OR10J1: variants seen among roughly 807,000 people sequenced by gnomAD.
OR10J1 encodes the protein olfactory receptor 10J1.
For missense variants in OR10J1, 474 were observed against 376.6 expected, an observed-to-expected ratio of 1.26 and a Z score of -2.14; for synonymous variants, 202 against 143.8, an observed-to-expected ratio of 1.40 and a Z score of -2.89.
chr1:159,409,022 C>T, the OR10J1 span, among the ~76,000 whole-genome samples: 4 of 152,018 alleles, frequency 2.6e-5, no homozygotes, highest in African/African-American at 7.2e-5. Flanking sequence ...TTCCAAAACA[C>T]AAATGATGAA....
At chr1:159,405,602 T>C in the OR10J1 span, 1 of 405,920 alleles carries the variant, frequency 2.5e-6, no homozygotes, top group South Asian at 2.4e-5. Flanking sequence ...TTCAGGTAGA[T>C]GATGGAAATA....
chr1:159,412,021 C>A, the OR10J1 span, among the ~76,000 whole-genome samples: 1 of 152,084 alleles, frequency 6.6e-6, no homozygotes, highest in Non-Finnish European at 1.5e-5. Flanking sequence ...ACAAAAATCA[C>A]AAGCATTCTT....
chr1:159,436,349 T>C (rs1031729585), upstream of OR10J1, among the ~76,000 whole-genome samples: 4 of 152,192 alleles, frequency 2.6e-5, no homozygotes, highest in Non-Finnish European at 1.5e-5. Context: ...GAGCAGTTTA[T>C]GAAATTATTG....
the OR10J1 span, among the ~76,000 whole-genome samples, chr1:159,416,071 GA>G: frequency 6.6e-6 from 1 of 152,066 alleles, no homozygotes; most frequent in East Asian, 1.9e-4. Context: ...GTAGATTTAA[GA>G]GGTTTTTTTT....
At chr1:159,411,938 C>T in the OR10J1 span, among the ~76,000 whole-genome samples, 2 of 151,962 alleles carry the variant, frequency 1.3e-5, no homozygotes, top group Non-Finnish European at 2.9e-5. Context: ...CTAGAAAACC[C>T]CATTCTCTCA....
the OR10J1 span, among the ~76,000 whole-genome samples, chr1:159,430,371 C>T: frequency 1.3e-5 from 2 of 152,074 alleles, no homozygotes. Context: ...GATATTAGCA[C>T]AGTCTTCATC....
upstream of OR10J1, among the ~76,000 whole-genome samples, chr1:159,433,413 T>C (rs1377468670): frequency 6.6e-6 from 1 of 152,190 alleles, no homozygotes; most frequent in Admixed American, 6.6e-5. Flanking sequence ...ATGTTAGACA[T>C]TATTCCTGTT....
At chr1:159,430,579 AG>A in the OR10J1 span, among the ~76,000 whole-genome samples, 7 of 152,108 alleles carry the variant, frequency 4.6e-5, no homozygotes, top group Non-Finnish European at 7.3e-5. Flanking sequence ...CAGGGATTGA[AG>A]AAATTAATGA....
the OR10J1 span, among the ~76,000 whole-genome samples, chr1:159,430,640 G>GGTGTGTGTGTGTGTGTGTGTGTGTGT: frequency 7.1e-6 from 1 of 140,828 alleles, no homozygotes; most frequent in South Asian, 2.4e-4. Flanking sequence ...AAAAAATTAT[G>GGTGTGTGTGTGTGTGTGTGTGTGTGT]GTGTGTGTGT....
chr1:159,434,855 C>A (rs568014007), upstream of OR10J1, among the ~76,000 whole-genome samples: 1 of 152,152 alleles, frequency 6.6e-6, no homozygotes, highest in South Asian at 2.1e-4. Flanking sequence ...ACATTGCTCC[C>A]TGGGTCACTC....
the OR10J1 span, among the ~76,000 whole-genome samples, chr1:159,427,048 A>G: frequency 6.6e-6 from 1 of 151,894 alleles, no homozygotes; most frequent in African/African-American, 2.4e-5. Flanking sequence ...AGAGAGAGAC[A>G]AGTGCTCTTG....
At chr1:159,415,803 T>C in the OR10J1 span, among the ~76,000 whole-genome samples, 2 of 152,174 alleles carry the variant, frequency 1.3e-5, no homozygotes, top group East Asian at 3.9e-4. Flanking sequence ...TGATAATTAA[T>C]TGTTTAATTT....
chr1:159,422,077 G>A, the OR10J1 span, among the ~76,000 whole-genome samples: 5 of 152,128 alleles, frequency 3.3e-5, no homozygotes, highest in East Asian at 9.7e-4. Flanking sequence ...ATCTGTTGTA[G>A]CTGCAGGTTG....
the OR10J1 span, among the ~76,000 whole-genome samples, chr1:159,413,298 A>G: frequency 6.6e-6 from 1 of 152,090 alleles, no homozygotes; most frequent in African/African-American, 2.4e-5. Context: ...TCAGGGATCT[A>G]GAACTAGAAA....
the OR10J1 span, among the ~76,000 whole-genome samples, chr1:159,417,926 A>T: frequency 2.0e-3 from 310 of 152,296 alleles, no homozygotes; most frequent in African/African-American, 7.1e-3. Context: ...GAACTGGAGT[A>T]AAGGTGATTC....
At chr1:159,405,848 G>T in the OR10J1 span, 3 of 847,616 alleles carry the variant, frequency 3.5e-6, no homozygotes, top group African/African-American at 1.7e-5. Flanking sequence ...CAGAAGAAGT[G>T]GGAGATGACA....
At chr1:159,426,067 A>G in the OR10J1 span, among the ~76,000 whole-genome samples, 2 of 152,024 alleles carry the variant, frequency 1.3e-5, no homozygotes, top group Admixed American at 6.6e-5. Context: ...GTGGATATCT[A>G]ACTGCATAGT....
Position 159,440,236 on chromosome 1 carries a change from T to G in OR10J1, c.445T>G (p.Cys149Gly). 1.2e-6 allele frequency: 2 copies of G among 1,614,160 alleles called. No individual in the cohort carries two copies. Among genetic ancestry groups the G allele is most frequent in the Non-Finnish European group, 1.7e-6 (2 of 1,180,010 alleles). ...RLRIQLVLGA[C>G]SIGLIVAITQ... The stretch of plus-strand genomic sequence containing the variant: ...GCGTATCCAACTTGTCCTGGGGGCC[T>G]GCAGCATTGGGCTGATTGTAGCAAT... The change falls in exon 1 of 1, where the codon TGC becomes GGC. Residue 149 changes from cysteine (C) to glycine (G), a missense_variant. Physicochemically the swap from Cys to Gly is radical, Grantham distance 159. Transcript: ENST00000423932.
At chr1:159,426,089 A>G in the OR10J1 span, among the ~76,000 whole-genome samples, 1 of 152,002 alleles carries the variant, frequency 6.6e-6, no homozygotes, top group Admixed American at 6.6e-5. Context: ...TGCATAGTAA[A>G]CAATGGAAAC....
Sources: gnomAD v4.1 joint callset for allele counts (sites outside exome capture counted in the v4.1 genomes callset) on GRCh38, gnomAD v4.1.1 for gene constraint, MANE v1.5 for transcripts, NCBI Gene and HGNC (gene_info 2026-07-23, HGNC 2026-07-21) for gene names.